Variants in GARIN5A observed in about 807,000 individuals in gnomAD.
GARIN5A encodes the protein golgi associated RAB2 interactor 5A, also known as Golgi-associated RAB2 interactor protein 5A.
chr19:50,472,040 G>T, the GARIN5A span, among the ~76,000 whole-genome samples: 1 of 145,486 alleles, frequency 6.9e-6, no homozygotes, highest in Admixed American at 6.7e-5. Context: ...GTACGTGTGT[G>T]TATATGTATA....
the GARIN5A span, among the ~76,000 whole-genome samples, chr19:50,469,400 G>A: frequency 1.3e-5 from 2 of 152,160 alleles, no homozygotes; most frequent in African/African-American, 2.4e-5. Context: ...GTCTGACGGA[G>A]CCCCACAGGC....
At chr19:50,475,273 G>A in the GARIN5A span, 109 of 1,525,054 alleles carry the variant, frequency 7.1e-5, no homozygotes, top group African/African-American at 1.3e-3. Flanking sequence ...TGGGGGCTCA[G>A]GTGCCTGGAG....
the GARIN5A span, among the ~76,000 whole-genome samples, chr19:50,472,187 CATGT>C: frequency 8.9e-4 from 106 of 119,050 alleles, 1 homozygote; most frequent in East Asian, 2.4e-3. Context: ...TGTATGTATA[CATGT>C]ATGTGTGCAT....
At chr19:50,470,444 C>T in the GARIN5A span, among the ~76,000 whole-genome samples, 262 of 151,056 alleles carry the variant, frequency 1.7e-3, 1 homozygote, top group African/African-American at 6.1e-3. Flanking sequence ...ACCTGGGAGG[C>T]GGAGGTTGCA....
the GARIN5A span, chr19:50,476,698 G>T: frequency 2.4e-6 from 3 of 1,273,174 alleles, no homozygotes; most frequent in Non-Finnish European, 3.2e-6. Flanking sequence ...CGCGGTCTAC[G>T]GATGTCGCAG....
At chr19:50,467,872 G>T in the GARIN5A span, 1 of 1,593,276 alleles carries the variant, frequency 6.3e-7, no homozygotes, top group Non-Finnish European at 8.6e-7. Context: ...GACCCTGTCG[G>T]GTCCTCCAGC....
chr19:50,474,925 A>T, the GARIN5A span, among the ~76,000 whole-genome samples: 2 of 152,090 alleles, frequency 1.3e-5, no homozygotes, highest in African/African-American at 2.4e-5. Context: ...CCACAGTGGG[A>T]CCCTGGGCAA....
At chr19:50,476,354 G>T in the GARIN5A span, 1 of 1,574,946 alleles carries the variant, frequency 6.3e-7, no homozygotes, top group Admixed American at 1.8e-5. Flanking sequence ...TGGAGGGGGC[G>T]GCTCCTGGAG....
At chr19:50,470,804 G>A in the GARIN5A span, among the ~76,000 whole-genome samples, 17 of 149,556 alleles carry the variant, frequency 1.1e-4, no homozygotes, top group East Asian at 8.2e-4. Flanking sequence ...ACAGGCGCCC[G>A]CCACCATGCC....
chr19:50,469,456 T>C, the GARIN5A span, among the ~76,000 whole-genome samples: 1 of 152,132 alleles, frequency 6.6e-6, no homozygotes. Flanking sequence ...GCCTGCCTGG[T>C]AGAGTGGGAG....
chr19:50,475,892 G>A, the GARIN5A span: 2 of 1,613,908 alleles, frequency 1.2e-6, no homozygotes, highest in Admixed American at 1.7e-5. Flanking sequence ...TCGCCGCTCT[G>A]GAGGTAGCGT....
the GARIN5A span, among the ~76,000 whole-genome samples, chr19:50,471,873 T>C: frequency 2.0e-5 from 3 of 151,766 alleles, no homozygotes; most frequent in Non-Finnish European, 4.4e-5. Context: ...TGTATATGTA[T>C]GCATACATGT....
chr19:50,471,879 C>CATGT, the GARIN5A span, among the ~76,000 whole-genome samples: 942 of 147,128 alleles, frequency 6.4e-3, 17 homozygotes, highest in East Asian at 0.04. Flanking sequence ...TGTATGCATA[C>CATGT]ATGTGTGTAT....
At chr19:50,467,545 C>T in the GARIN5A span, 4 of 1,506,354 alleles carry the variant, frequency 2.7e-6, no homozygotes, top group East Asian at 2.5e-5. Flanking sequence ...GCGCTTCCCC[C>T]CTCTCCTCAC....
the GARIN5A span, chr19:50,475,399 A>C: frequency 6.2e-7 from 1 of 1,610,988 alleles, no homozygotes; most frequent in Non-Finnish European, 8.5e-7. Flanking sequence ...CCAGGGCTGG[A>C]CTGGAGGCTG....
the GARIN5A span, chr19:50,475,881 T>C: frequency 8.1e-6 from 13 of 1,613,896 alleles, no homozygotes; most frequent in Non-Finnish European, 1.1e-5. Flanking sequence ...ACTGGTCGAA[T>C]TCGCCGCTCT....
At chr19:50,475,546 G>T in the GARIN5A span, 1 of 1,256,092 alleles carries the variant, frequency 8.0e-7, no homozygotes, top group Non-Finnish European at 1.1e-6. Context: ...AGGGGAAAAG[G>T]TCATGAACCA....
At chr19:50,475,273 G>C in the GARIN5A span, 1 of 1,525,054 alleles carries the variant, frequency 6.6e-7, no homozygotes, top group Non-Finnish European at 8.8e-7. Context: ...TGGGGGCTCA[G>C]GTGCCTGGAG....
At chr19:50,475,048 G>A in the GARIN5A span, among the ~76,000 whole-genome samples, 1 of 152,204 alleles carries the variant, frequency 6.6e-6, no homozygotes, top group South Asian at 2.1e-4. Flanking sequence ...GCCTAGGGGC[G>A]TCTGGCATGA....
Sources: gnomAD v4.1 joint callset for allele counts (sites outside exome capture counted in the v4.1 genomes callset) on GRCh38, gnomAD v4.1.1 for gene constraint, MANE v1.5 for transcripts, NCBI Gene and HGNC (gene_info 2026-07-23, HGNC 2026-07-21) for gene names.